The following SPOCK1 variants were observed in gnomAD, a reference collection of about 807,000 sequenced individuals.
SPOCK1 encodes SPARC (osteonectin), cwcv and kazal like domains proteoglycan 1, also known as testican-1.
Under a neutral mutation model 55.3 loss-of-function variants are expected in SPOCK1, and 23 were observed. The ratio of observed to expected loss-of-function variants is 0.42; its 90% CI spans 0.30 to 0.59. The LOEUF (loss-of-function observed/expected upper bound fraction) is 0.59, where lower values mean the gene tolerates loss of function less well. Ranked by LOEUF, SPOCK1 falls within the 20% of genes least tolerant of loss-of-function variation. The pLI is 0.22. For synonymous variants in SPOCK1, 226 were observed against 221.0 expected (o/e 1.02, Z -0.20); for missense variants, 499 against 552.5 (o/e 0.90, Z 0.97).
chr5:137,244,913 T>C (rs1756366848), intron 3 of SPOCK1, among the ~76,000 whole-genome samples: 1 of 152,234 alleles, frequency 6.6e-6, no homozygotes, highest in Non-Finnish European at 1.5e-5. Flanking sequence ...CAAAGATCTT[T>C]GCTGGTTTTT....
chr5:137,246,736 A>G (rs910748770), intron 3 of SPOCK1, among the ~76,000 whole-genome samples: 6 of 152,190 alleles, frequency 3.9e-5, no homozygotes, highest in African/African-American at 1.2e-4. Context: ...TCTGTCACAC[A>G]TTCAGCCTAA....
intron 2 of SPOCK1, among the ~76,000 whole-genome samples, chr5:137,437,253 A>C (rs1580926846): frequency 1.0e-3 from 1 of 982 alleles, no homozygotes; most frequent in African/African-American, 1.1e-3. Context: ...TTTGGGACAG[A>C]AATGACTAGC....
chr5:137,479,054 GT>G (rs1303491471), intron 2 of SPOCK1, among the ~76,000 whole-genome samples: 1 of 151,568 alleles, frequency 6.6e-6, no homozygotes, highest in African/African-American at 2.4e-5. Flanking sequence ...GGTTCACCAG[GT>G]TTTCCCACCG....
intron 2 of SPOCK1, among the ~76,000 whole-genome samples, chr5:137,363,284 T>C (rs1208831030): frequency 6.6e-6 from 1 of 152,220 alleles, no homozygotes; most frequent in Non-Finnish European, 1.5e-5. Flanking sequence ...CAGACATGCA[T>C]TAAATGCACC....
At chr5:137,418,123 A>T (rs1752387773) in intron 2 of SPOCK1, among the ~76,000 whole-genome samples, 1 of 152,216 alleles carries the variant, frequency 6.6e-6, no homozygotes, top group Admixed American at 6.5e-5. Flanking sequence ...GTCCCTACAA[A>T]GGACATGAAC....
chr5:137,168,815 A>T (rs961647571), intron 3 of SPOCK1, among the ~76,000 whole-genome samples: 6 of 152,172 alleles, frequency 3.9e-5, no homozygotes, highest in African/African-American at 1.4e-4. Context: ...GAAACTAAAA[A>T]TAGAGCTACA....
intron 6 of SPOCK1, among the ~76,000 whole-genome samples, chr5:137,002,417 T>TA (rs1751169808): frequency 6.6e-6 from 1 of 151,958 alleles, no homozygotes; most frequent in Non-Finnish European, 1.5e-5. Context: ...TCAGGGAAGT[T>TA]AGCTAGATGA....
chr5:137,080,239 A>G (rs1752858473), intron 5 of SPOCK1, among the ~76,000 whole-genome samples: 1 of 152,192 alleles, frequency 6.6e-6, no homozygotes, highest in Non-Finnish European at 1.5e-5. Flanking sequence ...TCGTTTGGCC[A>G]ATGAAAGCCA....
chr5:137,086,181 G>T (rs75749369), intron 5 of SPOCK1, among the ~76,000 whole-genome samples: 1 of 152,060 alleles, frequency 6.6e-6, no homozygotes, highest in Non-Finnish European at 1.5e-5. Flanking sequence ...GAGCTCTGGG[G>T]CTCCTTCCTT....
At chr5:137,397,125 C>T (rs1751867703) in intron 2 of SPOCK1, among the ~76,000 whole-genome samples, 1 of 152,152 alleles carries the variant, frequency 6.6e-6, no homozygotes, top group African/African-American at 2.4e-5. Context: ...CACCCTGCTC[C>T]ATGATCCCAC....
intron 2 of SPOCK1, among the ~76,000 whole-genome samples, chr5:137,320,316 A>G (rs1336155706): frequency 1.3e-5 from 2 of 152,202 alleles, no homozygotes; most frequent in East Asian, 3.9e-4. Context: ...ACAGAGAACA[A>G]AAGAGAGCTC....
At chr5:137,490,138 A>T (rs904580845) in intron 2 of SPOCK1, among the ~76,000 whole-genome samples, 1 of 152,190 alleles carries the variant, frequency 6.6e-6, no homozygotes, top group African/African-American at 2.4e-5. Flanking sequence ...GTGTGACAAC[A>T]CATTACCCTA....
chr5:137,352,587 C>G (rs988013818), intron 2 of SPOCK1, among the ~76,000 whole-genome samples: 1 of 151,978 alleles, frequency 6.6e-6, no homozygotes, highest in African/African-American at 2.4e-5. Flanking sequence ...GCTCGTATAA[C>G]AGCTCAGCAA....
chr5:137,448,517 C>A (rs777501966), intron 2 of SPOCK1, among the ~76,000 whole-genome samples: 4 of 152,216 alleles, frequency 2.6e-5, no homozygotes, highest in East Asian at 3.9e-4. Flanking sequence ...TCCCTGTGTG[C>A]CTGGGCTACA....
At position 136,981,801 on chromosome 5, in the gene SPOCK1, G is replaced by C. The variant is rs142731285; in HGVS notation, c.992-2332C>G. Among the ~76,000 whole-genome samples the C allele has an allele frequency of 3.9e-5, 6 of 152,250 alleles. No homozygotes were observed. In the East Asian group the frequency reaches 5.8e-4, roughly 15 times the overall value. ...AAATCTTAGTCTACTTGAACTGTAG[G>C]TTTCAGGAAGTGGTATGTCAAAGTT... is the stretch of plus-strand genomic sequence containing the variant. On this transcript the variant is annotated intron_variant, in intron 9 of 10. Coordinates refer to ENST00000394945, the MANE Select transcript of SPOCK1 (RefSeq NM_004598.4).
At chr5:137,356,838 T>TATATAGAGAGAGAGAGAG in intron 2 of SPOCK1, among the ~76,000 whole-genome samples, 2 of 5,458 alleles carry the variant, frequency 3.7e-4, no homozygotes, top group Non-Finnish European at 6.2e-4. Context: ...TATATATATA[T>TATATAGAGAGAGAGAGAG]AGAGAGAGAG....
chr5:137,105,815 A>G (rs1401806847), intron 5 of SPOCK1, among the ~76,000 whole-genome samples: 1 of 152,218 alleles, frequency 6.6e-6, no homozygotes, highest in Non-Finnish European at 1.5e-5. Flanking sequence ...GTGTCGAGAC[A>G]TAATTGAGCC....
rs546818835 is a variant in SPOCK1, at chr5:137,079,381, G to A, written c.475-11552C>T. On this transcript the variant is annotated intron_variant, in intron 5 of 10. Coordinates refer to ENST00000394945, the MANE Select transcript of SPOCK1 (RefSeq NM_004598.4). ...AACCACCTGCTGAACAATCGACACAGCTCTGTTGTCATCTCCAATGCACTT... is the reference window on the plus strand; with the variant it reads ...AACCACCTGCTGAACAATCGACACAACTCTGTTGTCATCTCCAATGCACTT... 7.5e-4 allele frequency among the ~76,000 whole-genome samples: 114 copies of A among 152,148 alleles called. 1 individual carries two copies. The highest frequency in any genetic ancestry group is 2.6e-3 in the African/African-American group (107 of 41,530).
intron 3 of SPOCK1, among the ~76,000 whole-genome samples, chr5:137,230,299 C>T (rs1010719265): frequency 1.3e-5 from 2 of 152,186 alleles, no homozygotes; most frequent in Non-Finnish European, 2.9e-5. Context: ...AAGACATTCA[C>T]ACCCAAGGAC....
Sources: allele counts gnomAD v4.1 joint callset (sites outside exome capture counted in the v4.1 genomes callset), GRCh38; gene constraint gnomAD v4.1.1; transcripts MANE v1.5; gene names NCBI Gene and HGNC (gene_info 2026-07-23, HGNC 2026-07-21).